The following ZC3HAV1 variants were observed in gnomAD, a reference collection of about 807,000 sequenced individuals.
ZC3HAV1 encodes zinc finger CCCH-type containing, antiviral 1, also known as zinc finger CCCH-type antiviral protein 1.
Under a neutral mutation model 86.6 loss-of-function variants are expected in ZC3HAV1, and 41 were observed. That is an observed-to-expected ratio of 0.47 (90% CI 0.37 to 0.61). The LOEUF is 0.61. Among genes scored for constraint, ZC3HAV1 ranks in the 20% least tolerant of loss-of-function variants. The pLI is 0.00. For missense variants in ZC3HAV1, 964 were observed against 1,141.1 expected (o/e 0.84, Z 2.24); for synonymous variants, 421 against 432.1 (o/e 0.97, Z 0.32).
chr7:139,109,247 C>G lies in ZC3HAV1; in HGVS notation c.85G>C (p.Glu29Gln). The change falls in exon 1 of 13, where the codon GAG (glutamate) becomes CAG (glutamine). Residue 29 changes from glutamate to glutamine, a missense_variant. Transcript: ENST00000242351. ...GRMALDALLQEIALSEPQLCE... is the reference protein window; with the variant it reads ...GRMALDALLQQIALSEPQLCE... The stretch of plus-strand genomic sequence containing the variant: ...AGCTGCGGCTCAGACAGCGCGATCT[C>G]CTGGAGCAGCGCGTCCAGGGCCATG... 2 of 1,612,016 alleles carry G rather than the reference C, an allele frequency of 1.2e-6. No homozygotes were observed. The highest frequency in any genetic ancestry group is 1.7e-6 in the Non-Finnish European group (2 of 1,179,406).
intron 7 of ZC3HAV1, among the ~76,000 whole-genome samples, chr7:139,073,377 A>G (rs1481193186): frequency 6.6e-6 from 1 of 152,010 alleles, no homozygotes; most frequent in African/African-American, 2.4e-5. Context: ...ATGTTTGCTG[A>G]AAAAAAATTG....
In ZC3HAV1 at chr7:139,109,628, G is replaced by C; in HGVS notation, c.-297C>G. On this transcript the variant is annotated 5_prime_UTR_variant, in exon 1 of 13. Transcript: ENST00000242351. ...CGGGCAAATCTGCTGGTGACCGCCT[G>C]GGGTGGCCCCCTCTCGGTTCTAGGC... 3.0e-6 allele frequency: 1 copy of C among 334,378 alleles called. No homozygotes were observed. Among genetic ancestry groups the C allele is most frequent in the Non-Finnish European group, 5.5e-6 (1 of 181,962 alleles). 20.7% of individuals were successfully genotyped at this position (334,378 alleles called of 1,614,324 possible).
Position 139,072,165 on chromosome 7 carries a change from T to C in ZC3HAV1, c.1872+1691A>G, listed in dbSNP as rs571556876. Among the ~76,000 whole-genome samples the C allele has an allele frequency of 3.3e-5, 5 of 152,252 alleles. No individual in the cohort carries two copies. In the South Asian group the frequency reaches 1.0e-3, roughly 32 times the overall value. ...TACACCAACCTAAATATGTAGAACC[T>C]TACGCTGCCATTCCTTTGTCCCTGC... is the stretch of plus-strand genomic sequence containing the variant. On this transcript the variant is annotated intron_variant, in intron 7 of 12. Coordinates refer to ENST00000242351, the MANE Select transcript of ZC3HAV1 (RefSeq NM_020119.4).
chr7:139,081,315 G>GA (rs1817122274), intron 3 of ZC3HAV1, among the ~76,000 whole-genome samples: 1 of 152,024 alleles, frequency 6.6e-6, no homozygotes. Context: ...AGGGGTAGAA[G>GA]AGACATTTTT....
Position 139,108,944 on chromosome 7 carries a change from C to G in ZC3HAV1, c.308+80G>C. On this transcript the variant is annotated intron_variant, in intron 1 of 12. Transcript: ENST00000242351. The surrounding 1 kb of genome is among the most constrained non-coding windows in gnomAD (Gnocchi z 4.2). ...GTGCGGGGTCCCGGCGAAGCCGTGCCCCTCCCAGAACATTGCCCGCCTGGA... is the reference window on the plus strand; with the variant it reads ...GTGCGGGGTCCCGGCGAAGCCGTGCGCCTCCCAGAACATTGCCCGCCTGGA... The G allele has an allele frequency of 6.9e-7, 1 of 1,447,128 alleles. No individual in the cohort carries two copies. Among genetic ancestry groups the G allele is most frequent in the East Asian group, 2.5e-5 (1 of 39,542 alleles). The allele number at this position is 1,447,128 out of a possible 1,614,324, so 89.6% of individuals were successfully genotyped here.
chr7:139,079,074 C>G, intron 4 of ZC3HAV1: 2 of 1,534,932 alleles, frequency 1.3e-6, no homozygotes, highest in Non-Finnish European at 8.7e-7. Context: ...ACTCAAGACA[C>G]AGAGGCCCCT....
chr7:139,103,383 G>A (rs937271500), intron 1 of ZC3HAV1, among the ~76,000 whole-genome samples: 6 of 151,384 alleles, frequency 4.0e-5, no homozygotes, highest in Non-Finnish European at 5.9e-5. Context: ...GTACACCCAT[G>A]AGCCACTGCA....
intron 1 of ZC3HAV1, among the ~76,000 whole-genome samples, chr7:139,099,722 T>A (rs1817696499): frequency 6.6e-6 from 1 of 151,654 alleles, no homozygotes; most frequent in African/African-American, 2.4e-5. Flanking sequence ...AGGTCAGGAG[T>A]TCAAGAGCAG....
chr7:139,085,095 C>T (rs1203008822), intron 2 of ZC3HAV1, among the ~76,000 whole-genome samples: 3 of 152,220 alleles, frequency 2.0e-5, no homozygotes, highest in African/African-American at 7.2e-5. Flanking sequence ...TCAGCACTAC[C>T]TGTAAATTTG....
At chr7:139,048,183 C>T (rs1816016191) in intron 12 of ZC3HAV1, among the ~76,000 whole-genome samples, 1 of 152,210 alleles carries the variant, frequency 6.6e-6, no homozygotes, top group African/African-American at 2.4e-5. Flanking sequence ...AATGAGCAAA[C>T]TTGGAACTGA....
At chr7:139,089,993 C>T (rs1817382559) in intron 1 of ZC3HAV1, among the ~76,000 whole-genome samples, 1 of 152,042 alleles carries the variant, frequency 6.6e-6, no homozygotes. Flanking sequence ...AACCTCGGCT[C>T]ACTGCAACCT....
chr7:139,076,520 C>T (rs1003713780), intron 5 of ZC3HAV1, 111 bp from the exon 6 acceptor site: 3 of 1,408,410 alleles, frequency 2.1e-6, no homozygotes, highest in Non-Finnish European at 2.9e-6. Flanking sequence ...CCCTGCCAGA[C>T]AGGTTCCATC....
At chr7:139,075,910 A>C (rs1484058236) in intron 6 of ZC3HAV1, among the ~76,000 whole-genome samples, 2 of 152,218 alleles carry the variant, frequency 1.3e-5, no homozygotes, top group African/African-American at 4.8e-5. Flanking sequence ...TTTTGTCCTA[A>C]ATCATTTAGT....
chr7:139,103,379 C>G (rs1181438409), intron 1 of ZC3HAV1, among the ~76,000 whole-genome samples: 2 of 151,416 alleles, frequency 1.3e-5, no homozygotes, highest in African/African-American at 4.9e-5. Context: ...GGGAGTACAC[C>G]CATGAGCCAC....
intron 1 of ZC3HAV1, among the ~76,000 whole-genome samples, chr7:139,104,589 G>A (rs1452893657): frequency 2.0e-5 from 3 of 151,998 alleles, no homozygotes; most frequent in African/African-American, 7.2e-5. Context: ...CAGGCGTGGT[G>A]GCAGGCGCCT....
At position 139,074,160 on chromosome 7, in the gene ZC3HAV1, G is replaced by A. The variant is rs559095438; in HGVS notation, c.1698-130C>T. ...ATAGATCTTCAAGTTTTCTTTCCAT[G>A]GCTCCAGGTCCTACACATAAAAGAA... On this transcript the variant is annotated intron_variant, in intron 6 of 12. Coordinates refer to ENST00000242351, the MANE Select transcript of ZC3HAV1 (RefSeq NM_020119.4). The A allele has an allele frequency of 7.2e-4, 607 of 839,000 alleles. 1 individual carries two copies. The highest frequency in any genetic ancestry group is 1.0e-3 in the Non-Finnish European group (583 of 572,996). 52.0% of individuals were successfully genotyped at this position (839,000 alleles called of 1,614,324 possible).
chr7:139,109,357 C>A lies in ZC3HAV1; in HGVS notation c.-26G>T, dbSNP rs1366947920. 16 of 1,540,148 alleles carry A rather than the reference C, an allele frequency of 1.0e-5. No homozygotes were observed. The highest frequency in any genetic ancestry group is 1.2e-5 in the Non-Finnish European group (14 of 1,144,582). On this transcript the variant is annotated 5_prime_UTR_variant, in exon 1 of 13. Transcript: ENST00000242351. Reference sequence around the variant, plus strand: ...GGCGCGCTGGCTGTGCTGGCTCTGCCGCGGCGCGGGACTCGGTTCCGCGGA... The same window carrying A: ...GGCGCGCTGGCTGTGCTGGCTCTGCAGCGGCGCGGGACTCGGTTCCGCGGA...
At chr7:139,076,756 G>A (rs1816963001) in intron 5 of ZC3HAV1, among the ~76,000 whole-genome samples, 2 of 152,020 alleles carry the variant, frequency 1.3e-5, no homozygotes, top group Non-Finnish European at 2.9e-5. Flanking sequence ...GCCAGGCATG[G>A]TAGTGGGTGC....
At chr7:139,093,859 A>G (rs1817503930) in intron 1 of ZC3HAV1, among the ~76,000 whole-genome samples, 1 of 152,184 alleles carries the variant, frequency 6.6e-6, no homozygotes, top group Admixed American at 6.5e-5. Flanking sequence ...ATGGGCCACG[A>G]TCAGAGCTTG....
Sources: allele counts gnomAD v4.1 joint callset (sites outside exome capture counted in the v4.1 genomes callset), GRCh38; gene constraint gnomAD v4.1.1; non-coding constraint Gnocchi (gnomAD v3.1); transcripts MANE v1.5; gene names NCBI Gene and HGNC (gene_info 2026-07-23, HGNC 2026-07-21).